The following TRIM68 variants were observed in gnomAD, a reference collection of about 807,000 sequenced individuals.
TRIM68 encodes the protein tripartite motif containing 68, also known as E3 ubiquitin-protein ligase TRIM68.
A neutral mutation model predicts 41.9 loss-of-function variants in TRIM68; 36 were observed. The ratio of observed to expected loss-of-function variants is 0.86; its 90% CI spans 0.66 to 1.14. The LOEUF is 1.14. Ranked by LOEUF, TRIM68 falls within the 50% of genes most tolerant of loss-of-function variation. The pLI is 0.00. For synonymous variants in TRIM68, 225 were observed against 224.6 expected (o/e 1.00, Z -0.02); for missense variants, 632 against 605.1 (o/e 1.04, Z -0.47).
chr11:4,604,471 A>G (rs571250781), intron 2 of TRIM68, among the ~76,000 whole-genome samples: 1 of 152,372 alleles, frequency 6.6e-6, no homozygotes, highest in Admixed American at 6.5e-5. Flanking sequence ...AGAAAGTGCA[A>G]GAAGACTTGA....
chr11:4,603,602 C>T (rs1425198337), intron 2 of TRIM68, among the ~76,000 whole-genome samples: 3 of 152,182 alleles, frequency 2.0e-5, no homozygotes, highest in Non-Finnish European at 4.4e-5. Context: ...ACAAAAGTAC[C>T]TTGGACTTTC....
At chr11:4,606,951 C>T (rs1846578914) in intron 1 of TRIM68, among the ~76,000 whole-genome samples, 1 of 152,184 alleles carries the variant, frequency 6.6e-6, no homozygotes, top group South Asian at 2.1e-4. Flanking sequence ...TTTTCTTCCT[C>T]CCACTATCAC....
rs199866771 is a variant in TRIM68, at chr11:4,600,525, C to G, written c.1209G>C (p.Glu403Asp). Residue 403 changes from glutamate (E) to aspartate (D), a missense_variant, in exon 7 of 7, where the codon GAG becomes GAC. By Grantham distance (45) the Glu-to-Asp change is conservative. Transcript: ENST00000300747. ...FWVIRLRKGN[E>D]YRAGTDEYPI... The stretch of plus-strand genomic sequence containing the variant: ...GGTACTCATCGGTGCCTGCTCGGTA[C>G]TCATTTCCCTTCCTCAGCCTTATCA... 8 of 1,614,022 alleles carry G rather than the reference C, an allele frequency of 5.0e-6. No individual in the cohort carries two copies. The East Asian group carries it at 1.8e-4, about 36-fold the overall frequency.
intron 4 of TRIM68, 135 bp downstream of exon 4, chr11:4,602,017 C>G: frequency 7.6e-7 from 1 of 1,315,572 alleles, no homozygotes; most frequent in South Asian, 1.4e-5. Context: ...CAGGTATTAG[C>G]TGGGGAAACA....
Position 4,600,527 on chromosome 11 carries a change from C to A in TRIM68, c.1207G>T (p.Glu403Ter), listed in dbSNP as rs756787381. Residue 403 changes from glutamate to a stop codon, truncating the protein, a stop_gained, in exon 7 of 7, where the codon GAG becomes TAG. Coordinates refer to ENST00000300747, the MANE Select transcript of TRIM68 (RefSeq NM_018073.8). LOFTEE classifies it high-confidence loss of function. ...FWVIRLRKGN[E>*]YRAGTDEYPI... ...TACTCATCGGTGCCTGCTCGGTACTCATTTCCCTTCCTCAGCCTTATCACC... is the reference window on the plus strand; with the variant it reads ...TACTCATCGGTGCCTGCTCGGTACTAATTTCCCTTCCTCAGCCTTATCACC... The A allele has an allele frequency of 2.5e-6, 4 of 1,613,914 alleles. No individual in the cohort carries two copies. The African/African-American group carries it at 5.3e-5, about 22-fold the overall frequency.
In TRIM68 at chr11:4,605,111, C is replaced by T. The variant is rs1222745033; in HGVS notation, c.394G>A (p.Val132Met). 6.2e-7 allele frequency: 1 copy of T among 1,614,078 alleles called. No homozygotes were observed. Among genetic ancestry groups the T allele is most frequent in the African/African-American group, 1.3e-5 (1 of 74,942 alleles). ...TCCCAGGCAACATCCTCCATTGGCA[C>T]AACACTGTGGGCCTCATGCTCTGGG... The part of the protein sequence containing the change: ...QSPEHEAHSV[V>M]PMEDVAWEYK... Residue 132 changes from valine (V) to methionine (M), a missense_variant, in exon 2 of 7, where the codon GTG becomes ATG. Coordinates refer to ENST00000300747, the MANE Select transcript of TRIM68 (RefSeq NM_018073.8).
chr11:4,602,234 A>G lies in TRIM68; in HGVS notation c.701T>C (p.Leu234Pro), dbSNP rs1391798205. The part of the protein sequence containing the change: ...MQKLELNHSE[L>P]IQQSQVLWRM... ...CCACAGGACCTGGCTCTGCTGGATG[A>G]GCTCGCTATGGTTCAACTCCAGTTT... The change falls in exon 4 of 7, where the codon CTC (leucine) becomes CCC (proline). Residue 234 changes from leucine to proline, a missense_variant. Physicochemically the swap from Leu to Pro is moderately conservative, Grantham distance 98. Coordinates refer to ENST00000300747, the MANE Select transcript of TRIM68 (RefSeq NM_018073.8). 2 of 1,614,082 alleles carry G rather than the reference A, an allele frequency of 1.2e-6. No individual in the cohort carries two copies. Among genetic ancestry groups the G allele is most frequent in the Non-Finnish European group, 1.7e-6 (2 of 1,180,014 alleles).
Position 4,601,013 on chromosome 11 carries a change from C to T in TRIM68, c.907+14G>A. ...CTCCCACTGTCCACTACAGTCTCCCCCAGGATCCATTACCTGCATAAGTCT... is the reference window on the plus strand; with the variant it reads ...CTCCCACTGTCCACTACAGTCTCCCTCAGGATCCATTACCTGCATAAGTCT... On this transcript the variant is annotated intron_variant, in intron 6 of 6. Transcript: ENST00000300747. 1 of 1,612,778 alleles carries T rather than the reference C, an allele frequency of 6.2e-7. No homozygotes were observed. The highest frequency in any genetic ancestry group is 1.6e-4 in the Middle Eastern group (1 of 6,062).
At chr11:4,604,273 T>C (rs1221628992) in intron 2 of TRIM68, among the ~76,000 whole-genome samples, 1 of 152,176 alleles carries the variant, frequency 6.6e-6, no homozygotes, top group Non-Finnish European at 1.5e-5. Flanking sequence ...AAAAAGAGAG[T>C]TGAGACCAAT....
At chr11:4,603,097 G>T in intron 3 of TRIM68, 148 bp downstream of exon 3, 1 of 755,274 alleles carries the variant, frequency 1.3e-6, no homozygotes, top group East Asian at 2.5e-5. Flanking sequence ...CCTAAGGCCT[G>T]GGACAGAGAA....
rs1455506531 is a variant in TRIM68 at position 4,603,152 on chromosome 11, T to C, written c.522+93A>G. ...GGCTCTGTGATTTCAAGCCTCACAT[T>C]CTGCCTCACAGTGATGAGAATGCTA... On this transcript the variant is annotated intron_variant, in intron 3 of 6. Coordinates refer to ENST00000300747, the MANE Select transcript of TRIM68 (RefSeq NM_018073.8). 3 of 1,189,826 alleles carry C rather than the reference T, an allele frequency of 2.5e-6. No individual in the cohort carries two copies. The East Asian group carries it at 7.0e-5, about 28-fold the overall frequency. 73.7% of individuals were successfully genotyped at this position (1,189,826 alleles called of 1,614,324 possible). A position where few individuals can be genotyped will look rare whatever the true frequency, so the allele number is the denominator to read the frequency against.
At position 4,605,505 on chromosome 11, in the gene TRIM68, G is replaced by A. The variant is rs1440859388; in HGVS notation, c.-1C>T. The A allele has an allele frequency of 1.2e-6, 2 of 1,601,448 alleles. No homozygotes were observed. The highest frequency in any genetic ancestry group is 1.7e-5 in the Admixed American group (1 of 59,580). ...CTTCCACCAAGGCTGTGGGATCCAT[G>A]GTTCCTTCTCACACCCTCCTCAGAA... On this transcript the variant is annotated 5_prime_UTR_variant, in exon 2 of 7. Coordinates refer to ENST00000300747, the MANE Select transcript of TRIM68 (RefSeq NM_018073.8).
rs113095095 is a variant in TRIM68 at position 4,600,210 on chromosome 11, C to G, written c.*66G>C. On this transcript the variant is annotated 3_prime_UTR_variant, in exon 7 of 7. Transcript: ENST00000300747. Reference sequence around the variant, plus strand: ...TTTCAGGGGATACCTGTCAGTGGCTCGGTCCTCCAAGCCCCATGGGGGCCA... The same window carrying G: ...TTTCAGGGGATACCTGTCAGTGGCTGGGTCCTCCAAGCCCCATGGGGGCCA... 1 of 1,458,396 alleles carries G rather than the reference C, an allele frequency of 6.9e-7. No individual in the cohort carries two copies. The highest frequency in any genetic ancestry group is 2.3e-5 in the Admixed American group (1 of 43,676). 90.3% of individuals were successfully genotyped at this position (1,458,396 alleles called of 1,614,324 possible).
At chr11:4,606,007 A>C (rs1403014651) in intron 1 of TRIM68, among the ~76,000 whole-genome samples, 1 of 151,822 alleles carries the variant, frequency 6.6e-6, no homozygotes, top group Non-Finnish European at 1.5e-5. Flanking sequence ...TATAATTCAA[A>C]GTGTCAAAAG....
In TRIM68 at chr11:4,600,578, A is replaced by T. The variant is rs763803492; in HGVS notation, c.1156T>A (p.Tyr386Asn). The change falls in exon 7 of 7, where the codon TAC becomes AAC. Residue 386 changes from tyrosine to asparagine, a missense_variant. Physicochemically the swap from Tyr to Asn is moderately radical, Grantham distance 143. Transcript: ENST00000300747. ...CAGAATCCATAGTGGGGGGATAAGT[A>T]GACCACCTCCTTCCGGTCTACATTT... is the stretch of plus-strand genomic sequence containing the variant. ...KQNVDRKEVVYLSPHYGFWVI... is the reference protein window; with the variant it reads ...KQNVDRKEVVNLSPHYGFWVI... 21 of 1,614,130 alleles carry T rather than the reference A, an allele frequency of 1.3e-5. No homozygotes were observed. Among genetic ancestry groups the T allele is most frequent in the South Asian group, 2.2e-5 (2 of 91,078 alleles).
In TRIM68 at chr11:4,600,382, C is replaced by A; in HGVS notation, c.1352G>T (p.Arg451Leu). The A allele has an allele frequency of 6.2e-7, 1 of 1,613,982 alleles. No individual in the cohort carries two copies. Among genetic ancestry groups the A allele is most frequent in the Non-Finnish European group, 8.5e-7 (1 of 1,179,988 alleles). ...CAGGAGGCGCCCAGGGAAGGGATAG[C>A]GGGGGAAAGTGAAGATGTGGGAGCC... ...DCGSHIFTFP[R>L]YPFPGRLLPY... The change falls in exon 7 of 7, where the codon CGC becomes CTC. Residue 451 changes from arginine to leucine, a missense_variant. Coordinates refer to ENST00000300747, the MANE Select transcript of TRIM68 (RefSeq NM_018073.8).
Position 4,600,293 on chromosome 11 carries a change from G to T in TRIM68, c.1441C>A (p.Leu481Met). 6.3e-7 allele frequency: 1 copy of T among 1,583,514 alleles called. No individual in the cohort carries two copies. Among genetic ancestry groups the T allele is most frequent in the Non-Finnish European group, 8.6e-7 (1 of 1,164,248 alleles). ...TAGCTTTCTTAGTCCTCCCCATCCA[G>T]GGAGCAGATGGCCAGAGGAGCAGTG... ...NNTAPLAICS[L>M]DGED The change falls in exon 7 of 7, where the codon CTG (leucine) becomes ATG (methionine). Residue 481 changes from leucine (L) to methionine (M), a missense_variant. By Grantham distance (15) the Leu-to-Met change is conservative (BLOSUM62 2). Transcript: ENST00000300747.
In TRIM68 at chr11:4,601,901, G is replaced by A. The variant is rs145523993; in HGVS notation, c.784-215C>T. On this transcript the variant is annotated intron_variant, in intron 4 of 6. Coordinates refer to ENST00000300747, the MANE Select transcript of TRIM68 (RefSeq NM_018073.8). ...TTTCAGGCTCCATCTCAAGACTCTC[G>A]GGCTAGAGGAGAGGGCCTGGAATGA... 2,067 of 762,644 alleles carry A rather than the reference G, an allele frequency of 2.7e-3. 21 individuals carry two copies. In the African/African-American group the frequency reaches 0.031, roughly 12 times the overall value. The allele number at this position is 762,644 out of a possible 1,614,324, so 47.2% of individuals were successfully genotyped here. A position where few individuals can be genotyped will look rare whatever the true frequency, so the allele number is the denominator to read the frequency against.
At position 4,600,300 on chromosome 11, in the gene TRIM68, G is replaced by A. The variant is rs1374435683; in HGVS notation, c.1434C>T (p.Ile478=). ...CTTAGTCCTCCCCATCCAGGGAGCAGATGGCCAGAGGAGCAGTGTTGTTGG... is the reference window on the plus strand; with the variant it reads ...CTTAGTCCTCCCCATCCAGGGAGCAAATGGCCAGAGGAGCAGTGTTGTTGG... ...IGTNNTAPLA[I]CSLDGED Residue 478 remains isoleucine, a synonymous_variant, in exon 7 of 7, where the codon ATC becomes ATT. Coordinates refer to ENST00000300747, the MANE Select transcript of TRIM68 (RefSeq NM_018073.8). The A allele has an allele frequency of 6.3e-7, 1 of 1,590,344 alleles. No individual in the cohort carries two copies. The highest frequency in any genetic ancestry group is 8.6e-7 in the Non-Finnish European group (1 of 1,167,628).
Sources: gnomAD v4.1 joint callset for allele counts (sites outside exome capture counted in the v4.1 genomes callset) on GRCh38, gnomAD v4.1.1 for gene constraint, MANE v1.5 for transcripts, NCBI Gene and HGNC (gene_info 2026-07-23, HGNC 2026-07-21) for gene names.